The following STRBP variants were observed in gnomAD, a reference collection of about 807,000 sequenced individuals.
The protein encoded by STRBP is spermatid perinuclear RNA binding protein.
In STRBP, 13 loss-of-function variants were observed where a neutral mutation model predicts 80.1. The ratio of observed to expected loss-of-function variants is 0.16; its 90% CI spans 0.11 to 0.26. STRBP has a LOEUF of 0.26. STRBP is among the 10% of genes least tolerant of loss of function. The pLI, the probability that STRBP is intolerant of heterozygous loss-of-function variation, is 1.00. For synonymous variants in STRBP, 284 were observed against 291.2 expected (o/e 0.98, Z 0.25); for missense variants, 485 against 815.2 (o/e 0.59, Z 4.93).
intron 1 of STRBP, among the ~76,000 whole-genome samples, chr9:123,264,963 T>A (rs1361733065): frequency 6.6e-6 from 1 of 152,170 alleles, no homozygotes; most frequent in Non-Finnish European, 1.5e-5. Context: ...TCATCTTATA[T>A]CCTACTGCTC....
chr9:123,256,255 C>A lies in STRBP; in HGVS notation c.-302+12181G>T, dbSNP rs193023425. Among the ~76,000 whole-genome samples the A allele has an allele frequency of 2.2e-3, 333 of 152,084 alleles. 1 individual carries two copies. Among genetic ancestry groups the A allele is most frequent in the African/African-American group, 7.5e-3 (309 of 41,454 alleles). ...GTTGGTCTCGAACTCCTGAGCTCAA[C>A]TGATCCTCCGCCTTGGTGTCCCAAA... On this transcript the variant is annotated intron_variant, in intron 1 of 18. Coordinates refer to ENST00000348403, the MANE Select transcript of STRBP (RefSeq NM_018387.5).
intron 1 of STRBP, among the ~76,000 whole-genome samples, chr9:123,247,362 C>T (rs1022467141): frequency 6.6e-6 from 1 of 152,016 alleles, no homozygotes; most frequent in Non-Finnish European, 1.5e-5. Flanking sequence ...CCACCTCCCG[C>T]GATCAAAAGA....
At chr9:123,199,337 T>C (rs554477345) in intron 2 of STRBP, among the ~76,000 whole-genome samples, 1 of 152,372 alleles carries the variant, frequency 6.6e-6, no homozygotes, top group South Asian at 2.1e-4. Context: ...TTGTTATTTT[T>C]GCTTAGAATG....
At position 123,184,548 on chromosome 9, in the gene STRBP, A is replaced by C. The variant is rs1039249975; in HGVS notation, c.-164-250T>G. On this transcript the variant is annotated intron_variant, in intron 2 of 18. Transcript: ENST00000348403. ...TGGCTGACTAGCACTCAATGAGATAAATACATTTGCAAAGAGATTCAGTCA... is the reference window on the plus strand; with the variant it reads ...TGGCTGACTAGCACTCAATGAGATACATACATTTGCAAAGAGATTCAGTCA... 3.3e-5 allele frequency among the ~76,000 whole-genome samples: 5 copies of C among 152,286 alleles called. No individual in the cohort carries two copies. In the East Asian group the frequency reaches 7.7e-4, roughly 24 times the overall value.
chr9:123,129,821 G>A (rs1028413593), intron 17 of STRBP, among the ~76,000 whole-genome samples: 4 of 152,204 alleles, frequency 2.6e-5, no homozygotes, highest in African/African-American at 9.6e-5. Context: ...AAACAGTTCT[G>A]AGGGATGAAC....
At chr9:123,222,388 G>C (rs1291046885) in intron 2 of STRBP, among the ~76,000 whole-genome samples, 1 of 151,890 alleles carries the variant, frequency 6.6e-6, no homozygotes, top group East Asian at 1.9e-4. Flanking sequence ...CTTCTCCGAG[G>C]TTCCTTTTAG....
intron 5 of STRBP, among the ~76,000 whole-genome samples, chr9:123,172,731 G>A (rs1214955520): frequency 6.6e-6 from 1 of 151,942 alleles, no homozygotes. Context: ...GTCAGCTAGT[G>A]AATATGAAAG....
At position 123,115,501 on chromosome 9, in the gene STRBP, T is replaced by C; in HGVS notation, c.*84+428A>G. The C allele has an allele frequency of 2.6e-6, 1 of 390,602 alleles. No individual in the cohort carries two copies. The highest frequency in any genetic ancestry group is 5.3e-6 in the Non-Finnish European group (1 of 188,952). The allele number at this position is 390,602 out of a possible 1,614,324, so 24.2% of individuals were successfully genotyped here. ...CCTCTTTCTTCCCCTCCCTGTACTC[T>C]CCATCTGGGTCAATGATTTCACCTT... On this transcript the variant is annotated intron_variant and NMD_transcript_variant, in intron 3 of 3. Transcript: ENST00000471564. This position sits in a 1 kb window ranked among gnomAD's most constrained non-coding sequence, Gnocchi z 5.0.
At chr9:123,141,558 AG>A (rs2036591706) in intron 13 of STRBP, among the ~76,000 whole-genome samples, 2 of 152,364 alleles carry the variant, frequency 1.3e-5, no homozygotes, top group South Asian at 4.1e-4. Flanking sequence ...ACAGGCTGCA[AG>A]TCAAAGCCAA....
chr9:123,192,513 T>C (rs2038958613), intron 2 of STRBP, among the ~76,000 whole-genome samples: 1 of 152,046 alleles, frequency 6.6e-6, no homozygotes, highest in African/African-American at 2.4e-5. Context: ...AGTAGGAGGA[T>C]CATTTGAGCT....
intron 6 of STRBP, among the ~76,000 whole-genome samples, chr9:123,166,854 G>C (rs2037787614): frequency 6.6e-6 from 1 of 152,186 alleles, no homozygotes; most frequent in Non-Finnish European, 1.5e-5. Context: ...GCCTTCATTA[G>C]CAGGAAACGT....
In STRBP at chr9:123,229,790, C is replaced by T. The variant is rs575903355; in HGVS notation, c.-165+7040G>A. On this transcript the variant is annotated intron_variant, in intron 2 of 18. Coordinates refer to ENST00000348403, the MANE Select transcript of STRBP (RefSeq NM_018387.5). ...ATTATGGATTTTAAAAGGAAGGGGT[C>T]GGAATAATCAAACAACTGTCTAACA... Among the ~76,000 whole-genome samples, 6 of 152,020 alleles carry T rather than the reference C, an allele frequency of 3.9e-5. No homozygotes were observed. The South Asian group carries it at 1.0e-3, about 26-fold the overall frequency.
downstream of STRBP, among the ~76,000 whole-genome samples, chr9:123,117,918 A>C (rs1400851534): frequency 6.6e-6 from 1 of 152,266 alleles, no homozygotes; most frequent in Non-Finnish European, 1.5e-5. Context: ...GATGCAATGC[A>C]GCCCTTCAGT....
At position 123,149,189 on chromosome 9, in the gene STRBP, T is replaced by C. The variant is rs1389152646; in HGVS notation, c.1046-1319A>G. 2.6e-5 allele frequency among the ~76,000 whole-genome samples: 4 copies of C among 152,212 alleles called. 1 individual carries two copies. Among genetic ancestry groups the C allele is most frequent in the African/African-American group, 9.6e-5 (4 of 41,466 alleles). Reference sequence around the variant, plus strand: ...ATGAGATTAACTATGTATTTTCTGATCAAGATTTATTGTCCCTTGAGGTAA... The same window carrying C: ...ATGAGATTAACTATGTATTTTCTGACCAAGATTTATTGTCCCTTGAGGTAA... On this transcript the variant is annotated intron_variant, in intron 11 of 18. Coordinates refer to ENST00000348403, the MANE Select transcript of STRBP (RefSeq NM_018387.5).
chr9:123,249,243 G>A (rs931308978), intron 1 of STRBP, among the ~76,000 whole-genome samples: 2 of 152,166 alleles, frequency 1.3e-5, no homozygotes, highest in Non-Finnish European at 2.9e-5. Flanking sequence ...GCCAGGCATG[G>A]TGGTGTGCAT....
At chr9:123,148,381 C>A (rs1043446434) in intron 11 of STRBP, among the ~76,000 whole-genome samples, 1 of 152,148 alleles carries the variant, frequency 6.6e-6, no homozygotes, top group Non-Finnish European at 1.5e-5. Context: ...GACTTTCAAG[C>A]CCCTGAGGGC....
At chr9:123,143,329 C>G (rs2132341076) in intron 13 of STRBP, among the ~76,000 whole-genome samples, 1 of 152,348 alleles carries the variant, frequency 6.6e-6, no homozygotes, top group East Asian at 1.9e-4. Flanking sequence ...TGAAGGGAAG[C>G]CTGGCCACTA....
intron 2 of STRBP, among the ~76,000 whole-genome samples, chr9:123,186,841 AAAG>A (rs1351527262): frequency 6.6e-6 from 1 of 151,760 alleles, no homozygotes; most frequent in Non-Finnish European, 1.5e-5. Context: ...AAAAAAAAAA[AAAG>A]GTCAACCTAG....
intron 13 of STRBP, among the ~76,000 whole-genome samples, chr9:123,143,356 G>C (rs1014558250): frequency 1.3e-5 from 2 of 152,224 alleles, no homozygotes. Context: ...CACCACTTTA[G>C]GGTGCTTGCT....
Sources: gnomAD v4.1 joint callset for allele counts (sites outside exome capture counted in the v4.1 genomes callset) on GRCh38, gnomAD v4.1.1 for gene constraint, Gnocchi (gnomAD v3.1) non-coding constraint, MANE v1.5 for transcripts, NCBI Gene and HGNC (gene_info 2026-07-23, HGNC 2026-07-21) for gene names.